Variants in NYAP2 observed in about 807,000 individuals in gnomAD.
The protein encoded by NYAP2 is neuronal tyrosine-phosphorylated phosphoinositide-3-kinase adapter 2.
A neutral mutation model predicts 50.4 loss-of-function variants in NYAP2; 23 were observed. That is an observed-to-expected ratio of 0.46 (90% CI 0.33 to 0.65). NYAP2 has a LOEUF of 0.65. NYAP2 is among the 30% of genes least tolerant of loss of function. The pLI, the probability that NYAP2 is intolerant of heterozygous loss-of-function variation, is 0.02. For synonymous variants in NYAP2, 394 were observed against 365.2 expected (o/e 1.08, Z -0.90); for missense variants, 885 against 861.0 (o/e 1.03, Z -0.35).
chr2:225,541,036 G>A (rs1691460014), intron 4 of NYAP2, among the ~76,000 whole-genome samples: 1 of 152,070 alleles, frequency 6.6e-6, no homozygotes, highest in Non-Finnish European at 1.5e-5. Flanking sequence ...TTTCTTTGAT[G>A]ATCAATGATG....
intron 5 of NYAP2, among the ~76,000 whole-genome samples, chr2:225,588,075 C>T (rs1692419666): frequency 6.6e-6 from 1 of 152,010 alleles, no homozygotes; most frequent in African/African-American, 2.4e-5. Flanking sequence ...AAGGCATGCA[C>T]CACCACACCT....
intron 3 of NYAP2, among the ~76,000 whole-genome samples, chr2:225,471,184 C>T (rs1361941795): frequency 6.6e-6 from 1 of 152,224 alleles, no homozygotes; most frequent in Admixed American, 6.5e-5. Flanking sequence ...ACTGCATGTA[C>T]TATAAACATG....
intron 3 of NYAP2, among the ~76,000 whole-genome samples, chr2:225,510,344 TG>T (rs552147352): frequency 6.6e-6 from 1 of 152,140 alleles, no homozygotes; most frequent in Non-Finnish European, 1.5e-5. Context: ...TTAATATTTC[TG>T]GGGGGGTTCT....
intron 3 of NYAP2, among the ~76,000 whole-genome samples, chr2:225,439,729 A>T (rs554662570): frequency 3.3e-5 from 5 of 152,334 alleles, no homozygotes; most frequent in African/African-American, 1.2e-4. Flanking sequence ...CAGGAAGCTC[A>T]AGGGAACAGT....
intron 3 of NYAP2, among the ~76,000 whole-genome samples, chr2:225,506,538 A>G (rs1174830404): frequency 6.6e-6 from 1 of 152,178 alleles, no homozygotes; most frequent in Non-Finnish European, 1.5e-5. Context: ...CCTGATACCT[A>G]GAAAAGGCCA....
intron 6 of NYAP2, among the ~76,000 whole-genome samples, chr2:225,630,276 C>A (rs1013962421): frequency 2.0e-5 from 3 of 152,148 alleles, no homozygotes; most frequent in Admixed American, 2.0e-4. Flanking sequence ...CAAATAATAG[C>A]CCTTGTTTGC....
At chr2:225,399,459 A>T (rs1694821511), upstream of NYAP2, among the ~76,000 whole-genome samples, 1 of 152,014 alleles carries the variant, frequency 6.6e-6, no homozygotes, top group Non-Finnish European at 1.5e-5. Flanking sequence ...AAATAGAATG[A>T]CTTTAATTTT....
rs1271105292 is a variant in NYAP2 at position 225,446,216 on chromosome 2, G to GTC, written c.221+37145_221+37146dup. Among the ~76,000 whole-genome samples the GTC allele has an allele frequency of 7.0e-3, 488 of 69,314 alleles. 14 individuals are homozygous for GTC. Among genetic ancestry groups the GTC allele is most frequent in the East Asian group, 0.012 (24 of 1,962 alleles). 45.5% of individuals were successfully genotyped at this position (69,314 alleles called of 152,430 possible). A position where few individuals can be genotyped will look rare whatever the true frequency, so the allele number is the denominator to read the frequency against. Reference sequence around the variant, plus strand: ...TGTCTGTCTGTCTGTCTGTCTGTCTGTCTCTCTCTCTCTCTCTCTCTCTCT... The same window carrying GTC: ...TGTCTGTCTGTCTGTCTGTCTGTCTGTCTCTCTCTCTCTCTCTCTCTCTCTCT... On this transcript the variant is annotated intron_variant, in intron 3 of 6. Coordinates refer to ENST00000636099, the Ensembl canonical transcript of NYAP2.
intron 3 of NYAP2, among the ~76,000 whole-genome samples, chr2:225,425,068 T>C (rs75306163): frequency 6.6e-6 from 1 of 151,986 alleles, no homozygotes; most frequent in African/African-American, 2.4e-5. Context: ...TTATTTTTTT[T>C]AAAAAAAGAA....
chr2:225,594,272 C>T (rs1692559782), intron 5 of NYAP2, among the ~76,000 whole-genome samples: 1 of 151,990 alleles, frequency 6.6e-6, no homozygotes, highest in Non-Finnish European at 1.5e-5. Flanking sequence ...GCCTGTAATC[C>T]CAGCACTTTG....
rs183729416 is a variant in NYAP2 at position 225,508,386 on chromosome 2, G to T, written c.222-4985G>T. On this transcript the variant is annotated intron_variant, in intron 3 of 6. Coordinates refer to ENST00000636099, the Ensembl canonical transcript of NYAP2. ...TTCACAGGCATTCCTTATTTCTGGG[G>T]TCTTCCATTTGTCGTGATGCCTTCT... Among the ~76,000 whole-genome samples, 168 of 152,224 alleles carry T rather than the reference G, an allele frequency of 1.1e-3. 1 individual carries two copies. The highest frequency in any genetic ancestry group is 3.8e-3 in the African/African-American group (156 of 41,546).
At chr2:225,522,661 G>A (rs1159591186) in intron 4 of NYAP2, among the ~76,000 whole-genome samples, 1 of 152,136 alleles carries the variant, frequency 6.6e-6, no homozygotes. Flanking sequence ...CTGGGATCCA[G>A]CTCCAGCAAC....
chr2:225,558,615 G>T (rs1574677398), intron 4 of NYAP2, among the ~76,000 whole-genome samples: 2 of 152,216 alleles, frequency 1.3e-5, no homozygotes, highest in South Asian at 4.1e-4. Flanking sequence ...GGACAATCCA[G>T]GCTAATCTCC....
chr2:225,688,024 A>G, the NYAP2 span, among the ~76,000 whole-genome samples: 1 of 152,198 alleles, frequency 6.6e-6, no homozygotes, highest in African/African-American at 2.4e-5. Context: ...TTGGTGCCTA[A>G]GAATTTGCAT....
intron 4 of NYAP2, among the ~76,000 whole-genome samples, chr2:225,579,359 T>C: frequency 6.6e-6 from 1 of 152,216 alleles, no homozygotes; most frequent in Admixed American, 6.5e-5. Flanking sequence ...GTTTCCCGTG[T>C]CATACAACAT....
chr2:225,411,406 G>A (rs777828254), intron 3 of NYAP2, among the ~76,000 whole-genome samples: 4 of 152,110 alleles, frequency 2.6e-5, no homozygotes, highest in Admixed American at 6.6e-5. Context: ...CAGGTTTAGC[G>A]TAACTGATGG....
exon 7 of NYAP2, chr2:225,652,768 A>G (rs1248617017): frequency 6.6e-6 from 1 of 152,220 alleles, no homozygotes; most frequent in Admixed American, 6.5e-5. Context: ...ATTATTTTAA[A>G]TGTCAGGCTA....
intron 3 of NYAP2, among the ~76,000 whole-genome samples, chr2:225,420,828 G>A (rs1461006811): frequency 6.6e-6 from 1 of 151,966 alleles, no homozygotes; most frequent in Non-Finnish European, 1.5e-5. Flanking sequence ...TCGTAACTCT[G>A]ACATATCCAG....
At chr2:225,623,140 G>A (rs1443630449) in intron 5 of NYAP2, among the ~76,000 whole-genome samples, 1 of 152,206 alleles carries the variant, frequency 6.6e-6, no homozygotes, top group Non-Finnish European at 1.5e-5. Context: ...TGTATTGGAA[G>A]AGACTATAGC....
Sources: allele counts gnomAD v4.1 joint callset (sites outside exome capture counted in the v4.1 genomes callset), GRCh38; gene constraint gnomAD v4.1.1; transcripts MANE v1.5; gene names NCBI Gene and HGNC (gene_info 2026-07-23, HGNC 2026-07-21).